Variants in EYS observed in about 807,000 individuals in gnomAD.
The protein encoded by EYS is protein eyes shut homolog.
Under a neutral mutation model 282.1 loss-of-function variants are expected in EYS, and 250 were observed. That is an observed-to-expected ratio of 0.89 (90% CI 0.80 to 0.98). The LOEUF (loss-of-function observed/expected upper bound fraction) is 0.98, where lower values mean the gene tolerates loss of function less well. EYS is among the 50% of genes least tolerant of loss of function. The pLI is 0.00. For synonymous variants in EYS, 1,355 were observed against 1,282.9 expected (o/e 1.06, Z -1.20); for missense variants, 4,016 against 3,709.0 (o/e 1.08, Z -2.15).
chr6:64,680,349 G>T (rs1205412267), intron 22 of EYS, among the ~76,000 whole-genome samples: 1 of 152,124 alleles, frequency 6.6e-6, no homozygotes, highest in African/African-American at 2.4e-5. Flanking sequence ...TGTTCTACAG[G>T]CAGGAATACA....
At chr6:64,299,865 G>C (rs1769172655) in intron 30 of EYS, among the ~76,000 whole-genome samples, 1 of 152,136 alleles carries the variant, frequency 6.6e-6, no homozygotes, top group South Asian at 2.1e-4. Context: ...GCTTTGGTGA[G>C]GTTGGCTCTG....
intron 2 of EYS, among the ~76,000 whole-genome samples, chr6:65,503,749 C>A (rs375401135): frequency 4.0e-5 from 6 of 151,744 alleles, no homozygotes; most frequent in African/African-American, 1.4e-4. Flanking sequence ...GATTATTTAT[C>A]ACAGATTAGT....
intron 22 of EYS, among the ~76,000 whole-genome samples, chr6:64,786,842 C>T (rs1389027483): frequency 1.3e-5 from 2 of 152,188 alleles, no homozygotes; most frequent in African/African-American, 4.8e-5. Context: ...TGGAGCTACT[C>T]TAGTGATAAA....
rs182217381 is a variant in EYS, at chr6:65,494,143, C to G, written c.748+520G>C. 4.9e-4 allele frequency among the ~76,000 whole-genome samples: 75 copies of G among 152,212 alleles called. 2 individuals carry two copies. The highest frequency in any genetic ancestry group is 1.6e-3 in the African/African-American group (66 of 41,552). The stretch of plus-strand genomic sequence containing the variant: ...ACTATTAAACATGTTTCTAAGAGCC[C>G]TCCTTCAGTTAAGCAAAAAGCTTAT... On this transcript the variant is annotated intron_variant, in intron 4 of 42. Transcript: ENST00000503581.
At chr6:64,085,340 G>GCGTGCGCACGTGCGCGCGCA (rs112388321) in intron 31 of EYS, among the ~76,000 whole-genome samples, 1 of 139,814 alleles carries the variant, frequency 7.2e-6, no homozygotes, top group Non-Finnish European at 1.5e-5. Context: ...ACGTGCGCGC[G>GCGTGCGCACGTGCGCGCGCA]CACACACACA....
Position 63,762,537 on chromosome 6 carries a change from T to C in EYS, c.7995A>G (p.Gly2665=), listed in dbSNP as rs1217814272. Residue 2665 remains glycine, a synonymous_variant, in exon 41 of 43, where the codon GGA becomes GGG. Transcript: ENST00000503581. Reference sequence around the variant, plus strand: ...CATGAGGTAATGAAATGCAGGTTGCTCCTCTGCTACAGTGGTGTGGAGGGT... The same window carrying C: ...CATGAGGTAATGAAATGCAGGTTGCCCCTCTGCTACAGTGGTGTGGAGGGT... ...EHDPPHHCSR[G]ATCISLPHGY... 5 of 1,550,422 alleles carry C rather than the reference T, an allele frequency of 3.2e-6. No individual in the cohort carries two copies. Among genetic ancestry groups the C allele is most frequent in the African/African-American group, 1.4e-5 (1 of 73,044 alleles).
chr6:64,106,985 T>G (rs1340222729), intron 31 of EYS, among the ~76,000 whole-genome samples: 1 of 151,746 alleles, frequency 6.6e-6, no homozygotes, highest in African/African-American at 2.4e-5. Context: ...CTTTCATTTT[T>G]GTTATAGTAT....
chr6:64,927,247 T>G (rs1768547167), intron 15 of EYS, among the ~76,000 whole-genome samples: 1 of 152,222 alleles, frequency 6.6e-6, no homozygotes, highest in Admixed American at 6.5e-5. Context: ...TGAGCTCTTT[T>G]TGTTTGTCAG....
intron 19 of EYS, among the ~76,000 whole-genome samples, chr6:64,856,869 A>G (rs1468163630): frequency 6.6e-6 from 1 of 152,142 alleles, no homozygotes; most frequent in African/African-American, 2.4e-5. Context: ...AATAAACACT[A>G]AGATTAATAT....
chr6:65,605,396 T>C (rs964544741), intron 2 of EYS, among the ~76,000 whole-genome samples: 12 of 151,968 alleles, frequency 7.9e-5, no homozygotes, highest in Non-Finnish European at 1.5e-4. Context: ...AAATAAATTA[T>C]AATACACAAG....
intron 35 of EYS, among the ~76,000 whole-genome samples, chr6:63,865,082 T>G (rs890291437): frequency 6.6e-6 from 1 of 152,222 alleles, no homozygotes; most frequent in African/African-American, 2.4e-5. Flanking sequence ...TCAGCCCATG[T>G]TGTCTGGGAG....
rs371491059 is a variant in EYS, at chr6:64,626,235, C to T, written c.3454G>A (p.Gly1152Arg). 77 of 1,527,592 alleles carry T rather than the reference C, an allele frequency of 5.0e-5. No homozygotes were observed. In the East Asian group the frequency reaches 1.5e-3, roughly 30 times the overall value. 94.6% of individuals were successfully genotyped at this position (1,527,592 alleles called of 1,614,324 possible). The change falls in exon 23 of 43, where the codon GGA becomes AGA. Residue 1152 changes from glycine to arginine, a missense_variant. Gly to Arg is a moderately radical substitution (Grantham distance 125). Transcript: ENST00000503581. ...ATTTCACAAAATTGACCAGAAAATC[C>T]AGGAAGACATCTAAGGAAAAAAAAT... ...GHTFDCRCLP[G>R]FSGQFCEINI...
At chr6:64,302,426 A>G (rs1374829729) in intron 30 of EYS, among the ~76,000 whole-genome samples, 1 of 152,196 alleles carries the variant, frequency 6.6e-6, no homozygotes, top group African/African-American at 2.4e-5. Flanking sequence ...ACATGGATCA[A>G]TTGATACCAA....
chr6:65,100,812 G>C (rs1774874844), intron 12 of EYS, among the ~76,000 whole-genome samples: 1 of 150,558 alleles, frequency 6.6e-6, no homozygotes, highest in South Asian at 2.1e-4. Context: ...TATATCATAG[G>C]AATCTTAAGA....
chr6:65,160,495 T>G (rs1764826547), intron 12 of EYS, among the ~76,000 whole-genome samples: 1 of 150,846 alleles, frequency 6.6e-6, no homozygotes, highest in African/African-American at 2.4e-5. Flanking sequence ...CTTCAAATTT[T>G]CAAAGTTGGG....
intron 19 of EYS, among the ~76,000 whole-genome samples, chr6:64,826,711 T>A (rs916168569): frequency 3.3e-5 from 5 of 149,422 alleles, no homozygotes; most frequent in Admixed American, 2.7e-4. Flanking sequence ...TATCTGTCAA[T>A]CAGCTGTCTT....
At chr6:64,036,226 T>A (rs757274320) in intron 33 of EYS, among the ~76,000 whole-genome samples, 2 of 151,740 alleles carry the variant, frequency 1.3e-5, no homozygotes, top group Non-Finnish European at 2.9e-5. Context: ...GAACTTAAAG[T>A]ATAATAGAAA....
chr6:65,515,088 T>A (rs1767070534), intron 2 of EYS, among the ~76,000 whole-genome samples: 1 of 151,914 alleles, frequency 6.6e-6, no homozygotes, highest in South Asian at 2.1e-4. Flanking sequence ...TCAAACAAAT[T>A]TACAACAAAA....
intron 29 of EYS, among the ~76,000 whole-genome samples, chr6:64,361,310 G>C (rs1223350112): frequency 6.6e-6 from 1 of 151,578 alleles, no homozygotes; most frequent in African/African-American, 2.4e-5. Context: ...CTGCTGTCCG[G>C]AAAATTCATG....
Sources: gnomAD v4.1 joint callset for allele counts (sites outside exome capture counted in the v4.1 genomes callset) on GRCh38, gnomAD v4.1.1 for gene constraint, MANE v1.5 for transcripts, NCBI Gene and HGNC (gene_info 2026-07-23, HGNC 2026-07-21) for gene names.